Variants in PDGFC observed in about 807,000 individuals in gnomAD.
PDGFC encodes the protein platelet derived growth factor C, also known as platelet-derived growth factor C.
In PDGFC, 12 loss-of-function variants were observed where a neutral mutation model predicts 35.5. That is an observed-to-expected ratio of 0.34 (90% CI 0.22 to 0.55). The LOEUF (loss-of-function observed/expected upper bound fraction) is 0.55, where lower values mean the gene tolerates loss of function less well. PDGFC is among the 20% of genes least tolerant of loss of function. PDGFC has a pLI of 0.91. For synonymous variants in PDGFC, 159 were observed against 148.8 expected (o/e 1.07, Z -0.50); for missense variants, 322 against 412.4 (o/e 0.78, Z 1.90).
chr4:156,767,759 A>T lies in PDGFC; in HGVS notation c.921+14T>A. On this transcript the variant is annotated intron_variant, in intron 5 of 5. Coordinates refer to ENST00000502773, the MANE Select transcript of PDGFC (RefSeq NM_016205.3). ...AATACCCGAAGGAAACCAAAAAGAA[A>T]ATTGTATACCTACCTCGTGGTATTT... 1 of 1,555,248 alleles carries T rather than the reference A, an allele frequency of 6.4e-7. No homozygotes were observed. Among genetic ancestry groups the T allele is most frequent in the Non-Finnish European group, 8.9e-7 (1 of 1,127,026 alleles).
intron 1 of PDGFC, among the ~76,000 whole-genome samples, chr4:156,919,755 T>C (rs1579099659): frequency 6.6e-6 from 1 of 152,348 alleles, no homozygotes; most frequent in South Asian, 2.1e-4. Flanking sequence ...CAGTTACCTG[T>C]ATGAAACATA....
intron 1 of PDGFC, among the ~76,000 whole-genome samples, chr4:156,863,980 TTC>T (rs1729776179): frequency 6.6e-6 from 1 of 152,124 alleles, no homozygotes; most frequent in South Asian, 2.1e-4. Flanking sequence ...TTGCCAAAGC[TTC>T]TGTTTGTTTC....
At chr4:156,768,984 T>C (rs1227968771) in intron 4 of PDGFC, among the ~76,000 whole-genome samples, 1 of 151,946 alleles carries the variant, frequency 6.6e-6, no homozygotes, top group Non-Finnish European at 1.5e-5. Context: ...TCTAATATAA[T>C]TTATTTTCTG....
chr4:156,801,314 G>C (rs532397744), intron 3 of PDGFC, among the ~76,000 whole-genome samples: 1 of 152,098 alleles, frequency 6.6e-6, no homozygotes, highest in Non-Finnish European at 1.5e-5. Context: ...AGGCTGATTT[G>C]AGTAATAATA....
chr4:156,848,125 G>T (rs888595180), intron 2 of PDGFC, among the ~76,000 whole-genome samples: 3 of 150,576 alleles, frequency 2.0e-5, no homozygotes, highest in Non-Finnish European at 4.5e-5. Context: ...ACATAAGCAG[G>T]CATGATAAAA....
rs143735573 is a variant in PDGFC at position 156,808,798 on chromosome 4, T to C, written c.495+2039A>G. ...TGCAGACAGTTTATTAAGAGTAGAA[T>C]GAATGTGGCTGTAAGTAGAGAGATG... On this transcript the variant is annotated intron_variant, in intron 3 of 5. Transcript: ENST00000502773. 1.7e-3 allele frequency among the ~76,000 whole-genome samples: 258 copies of C among 152,076 alleles called. 1 individual carries two copies. Among genetic ancestry groups the C allele is most frequent in the African/African-American group, 5.7e-3 (238 of 41,514 alleles).
At chr4:156,946,779 G>T (rs566086977) in intron 1 of PDGFC, among the ~76,000 whole-genome samples, 31 of 152,118 alleles carry the variant, frequency 2.0e-4, no homozygotes, top group Non-Finnish European at 3.5e-4. Flanking sequence ...TAGACCAGAA[G>T]GAGAGGGCTA....
intron 3 of PDGFC, 23 bp from the exon 4 acceptor site, chr4:156,772,916 G>T: frequency 7.8e-6 from 12 of 1,531,116 alleles, no homozygotes; most frequent in African/African-American, 1.4e-5. Context: ...TGAATCCTGT[G>T]TTAACTGTTT....
chr4:156,845,297 A>C (rs929335998), intron 2 of PDGFC, among the ~76,000 whole-genome samples: 1 of 151,854 alleles, frequency 6.6e-6, no homozygotes, highest in Non-Finnish European at 1.5e-5. Flanking sequence ...TAAAACAATT[A>C]AAATAACATT....
chr4:156,930,732 G>A (rs1426639599), intron 1 of PDGFC, among the ~76,000 whole-genome samples: 1 of 152,082 alleles, frequency 6.6e-6, no homozygotes, highest in Non-Finnish European at 1.5e-5. Flanking sequence ...GCTGGGAGTG[G>A]TGGTGCACGC....
intron 1 of PDGFC, among the ~76,000 whole-genome samples, chr4:156,903,104 A>AGAGT (rs368483475): frequency 0.01 from 1,364 of 130,632 alleles, 13 homozygotes; most frequent in African/African-American, 0.032. Flanking sequence ...AGAGAGAGAG[A>AGAGT]GTGTGTGTGT....
intron 3 of PDGFC, among the ~76,000 whole-genome samples, chr4:156,803,647 G>A (rs1405351909): frequency 1.3e-5 from 2 of 152,106 alleles, no homozygotes; most frequent in Non-Finnish European, 2.9e-5. Context: ...CATTTAGGAA[G>A]GGGAAAGTGG....
chr4:156,841,650 G>T (rs1729208590), intron 2 of PDGFC, among the ~76,000 whole-genome samples: 1 of 152,000 alleles, frequency 6.6e-6, no homozygotes, highest in Admixed American at 6.6e-5. Flanking sequence ...GAGATTACAA[G>T]CACGTGCCAC....
rs1443239 is a variant in PDGFC, at chr4:156,923,939, T to G, written c.118+46847A>C. On this transcript the variant is annotated intron_variant, in intron 1 of 5. Transcript: ENST00000502773. ...CCACCAGTGGGAAGACAGCTGTGTG[T>G]GGTGGGGAAGGAAATAGTAAAAAAG... 4.7e-4 allele frequency among the ~76,000 whole-genome samples: 72 copies of G among 152,100 alleles called. 2 individuals carry two copies. Among genetic ancestry groups the G allele is most frequent in the Admixed American group, 2.4e-3 (37 of 15,256 alleles).
chr4:156,949,120 T>C (rs1175694905), intron 1 of PDGFC, among the ~76,000 whole-genome samples: 1 of 151,976 alleles, frequency 6.6e-6, no homozygotes, highest in African/African-American at 2.4e-5. Flanking sequence ...CTATCTCTTT[T>C]GTTAAGAACC....
chr4:156,870,432 T>C (rs973670419), intron 1 of PDGFC, among the ~76,000 whole-genome samples: 1 of 152,144 alleles, frequency 6.6e-6, no homozygotes, highest in Non-Finnish European at 1.5e-5. Context: ...CATTTTTGTC[T>C]TAAGTCTTGA....
intron 1 of PDGFC, among the ~76,000 whole-genome samples, chr4:156,948,309 G>T (rs1283740154): frequency 6.6e-6 from 1 of 151,484 alleles, no homozygotes; most frequent in Non-Finnish European, 1.5e-5. Context: ...CTTAGGTCTT[G>T]TGAAAACAAC....
At chr4:156,871,383 A>C (rs953577081) in intron 1 of PDGFC, among the ~76,000 whole-genome samples, 1 of 152,138 alleles carries the variant, frequency 6.6e-6, no homozygotes, top group Non-Finnish European at 1.5e-5. Flanking sequence ...CTAACCAAAA[A>C]ATTAAAGCAT....
At chr4:156,945,234 A>G (rs1399772767) in intron 1 of PDGFC, among the ~76,000 whole-genome samples, 1 of 150,896 alleles carries the variant, frequency 6.6e-6, no homozygotes, top group African/African-American at 2.4e-5. Context: ...ATCTTGCTGC[A>G]TATGTCATAA....
Sources: allele counts gnomAD v4.1 joint callset (sites outside exome capture counted in the v4.1 genomes callset), GRCh38; gene constraint gnomAD v4.1.1; transcripts MANE v1.5; gene names NCBI Gene and HGNC (gene_info 2026-07-23, HGNC 2026-07-21).